The following PPM1L variants were observed in gnomAD, a reference collection of about 807,000 sequenced individuals.
PPM1L encodes the protein protein phosphatase, Mg2+/Mn2+ dependent 1L, also known as protein phosphatase 1L.
Under a neutral mutation model 31.4 loss-of-function variants are expected in PPM1L, and 13 were observed. The observed-to-expected ratio is 0.41, with a 90% CI of 0.27 to 0.66. The LOEUF is 0.66. PPM1L is among the 30% of genes least tolerant of loss of function. The pLI is 0.29. For synonymous variants in PPM1L, 184 were observed against 175.4 expected, an observed-to-expected ratio of 1.05 and a Z score of -0.39; for missense variants, 326 against 453.7, an observed-to-expected ratio of 0.72 and a Z score of 2.56.
At position 160,954,058 on chromosome 3, in the gene PPM1L, A is replaced by G. The variant is rs181662049; in HGVS notation, c.400-7678A>G. ...AATTTTTTTTTCTAATTTAAAAGCA[A>G]TTTGTGTTTCCTGCTCCCATACTCA... On this transcript the variant is annotated intron_variant, in intron 1 of 3. Coordinates refer to ENST00000498165, the MANE Select transcript of PPM1L (RefSeq NM_139245.4). Among the ~76,000 whole-genome samples the G allele has an allele frequency of 1.2e-3, 183 of 152,242 alleles. 1 individual carries two copies. The highest frequency in any genetic ancestry group is 3.3e-3 in the Admixed American group (50 of 15,278).
At chr3:161,031,304 G>C (rs1263812329) in intron 2 of PPM1L, among the ~76,000 whole-genome samples, 1 of 152,174 alleles carries the variant, frequency 6.6e-6, no homozygotes, top group Non-Finnish European at 1.5e-5. Flanking sequence ...AAAACCATGG[G>C]AACAAACAAT....
At chr3:161,023,501 C>T (rs1237384087) in intron 2 of PPM1L, among the ~76,000 whole-genome samples, 2 of 152,022 alleles carry the variant, frequency 1.3e-5, no homozygotes, top group African/African-American at 4.8e-5. Flanking sequence ...CTTTATTATG[C>T]CTCCTCATAT....
chr3:160,899,468 A>C (rs1387663150), intron 1 of PPM1L, among the ~76,000 whole-genome samples: 4 of 152,232 alleles, frequency 2.6e-5, no homozygotes, highest in African/African-American at 9.6e-5. Context: ...TGGTTTTGCC[A>C]ATGAATTGGA....
At chr3:160,827,184 A>G (rs1713376961) in intron 1 of PPM1L, among the ~76,000 whole-genome samples, 1 of 152,066 alleles carries the variant, frequency 6.6e-6, no homozygotes, top group African/African-American at 2.4e-5. Context: ...CTTTGACCAG[A>G]GACTAATGTT....
chr3:160,804,439 C>T (rs1712535985), intron 1 of PPM1L, among the ~76,000 whole-genome samples: 1 of 152,156 alleles, frequency 6.6e-6, no homozygotes, highest in Non-Finnish European at 1.5e-5. Context: ...GGCTACAGGC[C>T]TTTTACCAGA....
At chr3:160,827,926 G>A (rs1198518507) in intron 1 of PPM1L, among the ~76,000 whole-genome samples, 1 of 152,098 alleles carries the variant, frequency 6.6e-6, no homozygotes, top group African/African-American at 2.4e-5. Context: ...TGAGGCGGGA[G>A]CAGGCATGTC....
At chr3:160,952,740 C>T (rs1417253135) in intron 1 of PPM1L, among the ~76,000 whole-genome samples, 2 of 152,222 alleles carry the variant, frequency 1.3e-5, no homozygotes, top group East Asian at 3.9e-4. Context: ...TGCTTTTGTC[C>T]CTTTTTTTCC....
At chr3:160,998,763 T>C (rs1717398692) in intron 2 of PPM1L, among the ~76,000 whole-genome samples, 1 of 152,202 alleles carries the variant, frequency 6.6e-6, no homozygotes, top group African/African-American at 2.4e-5. Context: ...ATCACTGTAA[T>C]ACAAGGTCTG....
rs58432151 is a variant in PPM1L at position 161,037,581 on chromosome 3, ATTTTTTTT to A, written c.575-27808_575-27801del. Among the ~76,000 whole-genome samples the A allele has an allele frequency of 1.8e-4, 21 of 119,704 alleles. No homozygotes were observed. In the East Asian group the frequency reaches 5.1e-3, roughly 29 times the overall value. The allele number at this position is 119,704 out of a possible 152,430, so 78.5% of individuals were successfully genotyped here. ...AGGCATGCGCCACCATGCCCGGCTA[ATTTTTTTT>A]TTTTTTTTTTTTTGGTATTTTTAGT... is the stretch of plus-strand genomic sequence containing the variant. On this transcript the variant is annotated intron_variant, in intron 2 of 3. Coordinates refer to ENST00000498165, the MANE Select transcript of PPM1L (RefSeq NM_139245.4).
intron 1 of PPM1L, among the ~76,000 whole-genome samples, chr3:160,806,336 T>G (rs1218731859): frequency 6.6e-6 from 1 of 152,124 alleles, no homozygotes. Flanking sequence ...CCTGACTTTC[T>G]CTGCCAGGTT....
intron 2 of PPM1L, among the ~76,000 whole-genome samples, chr3:161,054,559 T>TA (rs1335385696): frequency 1.3e-5 from 2 of 152,126 alleles, no homozygotes; most frequent in Non-Finnish European, 2.9e-5. Context: ...GATGAAGACA[T>TA]ACCTTTTTCT....
At position 160,806,400 on chromosome 3, in the gene PPM1L, A is replaced by AT. The variant is rs555254295; in HGVS notation, c.399+49694dup. Among the ~76,000 whole-genome samples, 258 of 152,286 alleles carry AT rather than the reference A, an allele frequency of 1.7e-3. 1 individual carries two copies. The highest frequency in any genetic ancestry group is 3.6e-3 in the Admixed American group (55 of 15,298). ...CTTCATTGCTCTGTACATCTCAGACATGTAATAACTGTTCTATTACATGTC... is the reference window on the plus strand; with the variant it reads ...CTTCATTGCTCTGTACATCTCAGACATTGTAATAACTGTTCTATTACATGTC... On this transcript the variant is annotated intron_variant, in intron 1 of 3. Transcript: ENST00000498165.
chr3:161,017,799 A>G (rs958759091), intron 2 of PPM1L, among the ~76,000 whole-genome samples: 3 of 152,112 alleles, frequency 2.0e-5, no homozygotes, highest in Non-Finnish European at 4.4e-5. Flanking sequence ...AGGAAAAAGT[A>G]TTGCCGAGGT....
In PPM1L at chr3:160,960,197, G is replaced by A. The variant is rs1452723755; in HGVS notation, c.400-1539G>A. Among the ~76,000 whole-genome samples the A allele has an allele frequency of 6.6e-5, 10 of 151,914 alleles. No individual in the cohort carries two copies. The South Asian group carries it at 1.0e-3, about 16-fold the overall frequency. ...TATGTTTAATGCATACTTATTTTAAGTTGTACAATTAATAGCTGTACAGAA... is the reference window on the plus strand; with the variant it reads ...TATGTTTAATGCATACTTATTTTAAATTGTACAATTAATAGCTGTACAGAA... On this transcript the variant is annotated intron_variant, in intron 1 of 3. Transcript: ENST00000498165.
intron 1 of PPM1L, among the ~76,000 whole-genome samples, chr3:160,875,752 C>T (rs1477059877): frequency 6.6e-6 from 1 of 152,092 alleles, no homozygotes; most frequent in African/African-American, 2.4e-5. Flanking sequence ...TAAAACTTTC[C>T]CAGGTCACAT....
At chr3:160,923,901 T>G (rs778260961) in intron 1 of PPM1L, among the ~76,000 whole-genome samples, 2 of 152,202 alleles carry the variant, frequency 1.3e-5, no homozygotes, top group Admixed American at 1.3e-4. Context: ...TGTTTTTTAT[T>G]TTTCTTCTCA....
intron 1 of PPM1L, among the ~76,000 whole-genome samples, chr3:160,797,898 G>T (rs545901404): frequency 6.6e-6 from 1 of 152,136 alleles, no homozygotes; most frequent in African/African-American, 2.4e-5. Context: ...GTGCAAGGTG[G>T]GCCGGGCACA....
At chr3:160,850,292 GGTT>G (rs1422438750) in intron 1 of PPM1L, among the ~76,000 whole-genome samples, 1 of 152,192 alleles carries the variant, frequency 6.6e-6, no homozygotes, top group Non-Finnish European at 1.5e-5. Flanking sequence ...TTGGACAGTG[GGTT>G]GTTGTTGACC....
At chr3:160,798,294 G>T (rs977772116) in intron 1 of PPM1L, among the ~76,000 whole-genome samples, 5 of 152,182 alleles carry the variant, frequency 3.3e-5, no homozygotes, top group African/African-American at 1.2e-4. Flanking sequence ...TTCATTGTAG[G>T]CAAAACAGCC....
Sources: allele counts gnomAD v4.1 joint callset (sites outside exome capture counted in the v4.1 genomes callset), GRCh38; gene constraint gnomAD v4.1.1; transcripts MANE v1.5; gene names NCBI Gene and HGNC (gene_info 2026-07-23, HGNC 2026-07-21).